The following SPATA22 variants were observed in gnomAD, a reference collection of about 807,000 sequenced individuals.
The protein encoded by SPATA22 is spermatogenesis associated 22.
In SPATA22, 29 loss-of-function variants were observed where a neutral mutation model predicts 47.8. The observed-to-expected ratio is 0.61, with a 90% CI of 0.45 to 0.83. The LOEUF is 0.83. SPATA22 is among the 40% of genes least tolerant of loss of function. The pLI, the probability that SPATA22 is intolerant of heterozygous loss-of-function variation, is 0.00. For synonymous variants in SPATA22, 133 were observed against 140.9 expected (o/e 0.94, Z 0.40); for missense variants, 410 against 421.7 (o/e 0.97, Z 0.24).
In SPATA22 at chr17:3,469,308, AT is replaced by A; in HGVS notation, c.17del (p.Asn6MetfsTer27). The A allele has an allele frequency of 6.4e-7, 1 of 1,569,668 alleles. No individual in the cohort carries two copies. The highest frequency in any genetic ancestry group is 8.7e-7 in the Non-Finnish European group (1 of 1,153,026). On this transcript the variant is annotated frameshift_variant, in exon 2 of 9. Transcript: ENST00000572969. LOFTEE classifies it high-confidence loss of function. ...CTGCTGTACTTCGAGCTGAATTTTC[AT>A]TTAGGCTTCGCTTCATTTCCTTCAA... MKRSLNENSARSTAGC... is the reference protein window; with the variant it reads MKRSLXENSARSTAGC...
intron 6 of SPATA22, 133 bp downstream of exon 6, chr17:3,448,674 G>C (rs1372944300): frequency 3.0e-6 from 2 of 660,056 alleles, no homozygotes; most frequent in Non-Finnish European, 4.9e-6. Flanking sequence ...CAATGGAACT[G>C]AATATTTATG....
chr17:3,460,792 CAAAAAAA>C, intron 5 of SPATA22, among the ~76,000 whole-genome samples: 1 of 60,092 alleles, frequency 1.7e-5, no homozygotes, highest in Non-Finnish European at 2.8e-5. Flanking sequence ...GATCCAGTCT[CAAAAAAA>C]AAAAAAAAAA....
intron 1 of SPATA22, chr17:3,494,531 T>C: frequency 1.6e-6 from 2 of 1,287,896 alleles, no homozygotes; most frequent in South Asian, 1.2e-5. Context: ...TTATAGCTCA[T>C]ACAGCACTTC....
chr17:3,446,321 A>T, intron 7 of SPATA22, 151 bp downstream of exon 7: 1 of 627,026 alleles, frequency 1.6e-6, no homozygotes, highest in Non-Finnish European at 2.5e-6. Context: ...TCTATCTACC[A>T]CAGGGACTAT....
At chr17:3,489,913 AT>A (rs1193223373) in intron 1 of SPATA22, among the ~76,000 whole-genome samples, 4 of 152,238 alleles carry the variant, frequency 2.6e-5, no homozygotes, top group South Asian at 4.1e-4. Flanking sequence ...GTTATCGTGC[AT>A]CATTTATAAC....
At chr17:3,460,095 G>A (rs1157578225) in intron 5 of SPATA22, among the ~76,000 whole-genome samples, 2 of 152,174 alleles carry the variant, frequency 1.3e-5, no homozygotes, top group Non-Finnish European at 2.9e-5. Flanking sequence ...ATAAATTCAT[G>A]TATTTGTAAA....
At chr17:3,475,325 G>T (rs1372884709), upstream of SPATA22, 1 of 152,270 alleles carries the variant, frequency 6.6e-6, no homozygotes, top group East Asian at 1.9e-4. Context: ...AAGTTCACAT[G>T]ATGTGGTTAG....
chr17:3,505,861 G>A (rs143914352), intron 1 of SPATA22, among the ~76,000 whole-genome samples: 1 of 151,276 alleles, frequency 6.6e-6, no homozygotes, highest in Non-Finnish European at 1.5e-5. Context: ...GGGTTCCAGC[G>A]ATTCTCGTGC....
intron 5 of SPATA22, among the ~76,000 whole-genome samples, chr17:3,451,714 C>T (rs1380456621): frequency 2.0e-5 from 3 of 151,892 alleles, no homozygotes; most frequent in African/African-American, 2.4e-5. Context: ...TTTGGGAGGC[C>T]GAGGTGGGCG....
chr17:3,484,912 C>T (rs1597433873), intron 1 of SPATA22, among the ~76,000 whole-genome samples: 1 of 152,314 alleles, frequency 6.6e-6, no homozygotes, highest in East Asian at 1.9e-4. Context: ...ACTCTCTGTT[C>T]CCTATCCCCT....
chr17:3,449,250 G>GA lies in SPATA22; in HGVS notation c.330-102dup. 4 of 858,968 alleles carry GA rather than the reference G, an allele frequency of 4.7e-6. No individual in the cohort carries two copies. In the South Asian group the frequency reaches 7.6e-5, roughly 16 times the overall value. The allele number at this position is 858,968 out of a possible 1,614,324, so 53.2% of individuals were successfully genotyped here. On this transcript the variant is annotated intron_variant, in intron 5 of 8. Coordinates refer to ENST00000572969, the MANE Select transcript of SPATA22 (RefSeq NM_001170698.2). Reference sequence around the variant, plus strand: ...CATTTATATGGCAATTTATGACTTAGAAAGCACTTTATAACTAACTACTGA... The same window carrying GA: ...CATTTATATGGCAATTTATGACTTAGAAAAGCACTTTATAACTAACTACTGA...
chr17:3,458,761 A>T (rs2073052033), intron 5 of SPATA22, among the ~76,000 whole-genome samples: 1 of 146,860 alleles, frequency 6.8e-6, no homozygotes, highest in Non-Finnish European at 1.5e-5. Context: ...GAATCACTTG[A>T]TCCCAGGAGG....
upstream of SPATA22, among the ~76,000 whole-genome samples, chr17:3,473,510 G>GTTTT (rs2073478575): frequency 6.6e-6 from 1 of 152,026 alleles, no homozygotes; most frequent in South Asian, 2.1e-4. Context: ...GTTTTGTTTT[G>GTTTT]TTTTTGAGAC....
At chr17:3,509,227 G>A (rs2074079990) in intron 1 of SPATA22, among the ~76,000 whole-genome samples, 2 of 152,090 alleles carry the variant, frequency 1.3e-5, no homozygotes, top group Non-Finnish European at 2.9e-5. Flanking sequence ...GGGGATACAG[G>A]TGCAGAACAT....
At chr17:3,461,068 C>G (rs1041990806) in intron 5 of SPATA22, among the ~76,000 whole-genome samples, 2 of 152,040 alleles carry the variant, frequency 1.3e-5, no homozygotes, top group African/African-American at 2.4e-5. Flanking sequence ...AACTCCATGC[C>G]CCAAGAAAGT....
chr17:3,450,583 A>G (rs934692150), intron 5 of SPATA22, among the ~76,000 whole-genome samples: 5 of 152,178 alleles, frequency 3.3e-5, no homozygotes, highest in African/African-American at 1.2e-4. Context: ...TCCTGCCTCA[A>G]CCTCCAGAGT....
intron 8 of SPATA22, among the ~76,000 whole-genome samples, chr17:3,442,772 C>T (rs887787913): frequency 6.6e-6 from 1 of 151,998 alleles, no homozygotes; most frequent in East Asian, 1.9e-4. Context: ...CTTATTAGTC[C>T]TTAAAGATCT....
chr17:3,483,549 C>T lies in SPATA22; in HGVS notation c.-73-14151G>A, dbSNP rs748149345. 34 of 1,613,984 alleles carry T rather than the reference C, an allele frequency of 2.1e-5. No individual in the cohort carries two copies. The highest frequency in any genetic ancestry group is 2.7e-5 in the Non-Finnish European group (32 of 1,180,024). On this transcript the variant is annotated intron_variant, in intron 1 of 8. Transcript: ENST00000541913. ...ACGTTTATCTGATTGAGCATCCTTC[C>T]CTCAAATATGCGACCACTCGTTCCA...
chr17:3,440,376 A>G (rs1456326558), intron 8 of SPATA22, 38 bp from the exon 9 acceptor site: 1 of 1,459,356 alleles, frequency 6.9e-7, no homozygotes, highest in East Asian at 2.4e-5. Context: ...AATAGTTATT[A>G]CTTCATCTGA....
Sources: allele counts gnomAD v4.1 joint callset (sites outside exome capture counted in the v4.1 genomes callset), GRCh38; gene constraint gnomAD v4.1.1; transcripts MANE v1.5; gene names NCBI Gene and HGNC (gene_info 2026-07-23, HGNC 2026-07-21).